SAR1A: variants seen among roughly 807,000 people sequenced by gnomAD.
SAR1A encodes secretion associated Ras related GTPase 1A.
In SAR1A, 6 loss-of-function variants were observed where a neutral mutation model predicts 22.6. The observed-to-expected ratio is 0.27, with a 90% confidence interval of 0.15 to 0.52. SAR1A has a LOEUF of 0.52. Among genes scored for constraint, SAR1A ranks in the 20% least tolerant of loss-of-function variants. The pLI, the probability that SAR1A is intolerant of heterozygous loss-of-function variation, is 0.96. For synonymous variants in SAR1A, 70 were observed against 82.2 expected, an observed-to-expected ratio of 0.85 and a Z score of 0.80; for missense variants, 145 against 245.1, an observed-to-expected ratio of 0.59 and a Z score of 2.73.
chr10:70,161,778 A>G (rs1839469923), intron 2 of SAR1A, 40 bp from the exon 3 acceptor site: 3 of 1,613,744 alleles, frequency 1.9e-6, no homozygotes. Flanking sequence ...TGCTCTCTAC[A>G]GACCAAAGCC....
intron 1 of SAR1A, among the ~76,000 whole-genome samples, chr10:70,165,106 A>G (rs1448608584): frequency 2.0e-5 from 3 of 151,950 alleles, no homozygotes; most frequent in Non-Finnish European, 4.4e-5. Context: ...TCTACTAAAA[A>G]TACAAAAAAT....
chr10:70,168,845 A>G (rs187637818), intron 1 of SAR1A, among the ~76,000 whole-genome samples: 47 of 152,114 alleles, frequency 3.1e-4, no homozygotes, highest in African/African-American at 1.1e-3. Context: ...CCTTTTCTTA[A>G]GACAGACCAA....
In SAR1A at chr10:70,147,775, G is replaced by C. The variant is rs1839273634; in HGVS notation, c.*4701C>G. On this transcript the variant is annotated 3_prime_UTR_variant, in exon 7 of 7. Coordinates refer to ENST00000373241, the MANE Select transcript of SAR1A (RefSeq NM_020150.5). ...GATGAACGAGTATGTCGGGGAGTGG[G>C]GGGGCGCGGAGCTTCATGATACCCT... 6.6e-6 allele frequency: 1 copy of C among 152,354 alleles called. No homozygotes were observed. Among genetic ancestry groups the C allele is most frequent in the African/African-American group, 2.4e-5 (1 of 41,462 alleles). The allele number at this position is 152,354 out of a possible 1,614,324, so 9.4% of individuals were successfully genotyped here. A position where few individuals can be genotyped will look rare whatever the true frequency, so the allele number is the denominator to read the frequency against.
intron 4 of SAR1A, 117 bp downstream of exon 4, chr10:70,160,887 C>A: frequency 2.5e-5 from 16 of 638,566 alleles, no homozygotes; most frequent in South Asian, 7.3e-5. Context: ...TAATAAGATC[C>A]TAATTCTAAA....
rs1321233627 is a variant in SAR1A, at chr10:70,150,117, A to T, written c.*2359T>A. On this transcript the variant is annotated 3_prime_UTR_variant, in exon 7 of 7. Transcript: ENST00000373241. ...AAATGTCTCTTCCTCTATGCAGGGA[A>T]CTTTTGGTTGCCTCCCCAAATAAAC... is the stretch of plus-strand genomic sequence containing the variant. 6.6e-6 allele frequency: 1 copy of T among 152,054 alleles called. No homozygotes were observed. Among genetic ancestry groups the T allele is most frequent in the Non-Finnish European group, 1.5e-5 (1 of 68,010 alleles). 9.4% of individuals were successfully genotyped at this position (152,054 alleles called of 1,614,324 possible).
chr10:70,163,698 T>C (rs1486230043), intron 1 of SAR1A: 10 of 780,094 alleles, frequency 1.3e-5, no homozygotes, highest in South Asian at 5.5e-5. Context: ...GCTGACCAAC[T>C]GACTGAGGAG....
chr10:70,162,302 T>C (rs1426345047), intron 1 of SAR1A, among the ~76,000 whole-genome samples: 1 of 147,584 alleles, frequency 6.8e-6, no homozygotes, highest in Non-Finnish European at 1.5e-5. Flanking sequence ...ACGGTGCCAC[T>C]GCACTCACTT....
chr10:70,169,138 A>T (rs1487994662), intron 1 of SAR1A, among the ~76,000 whole-genome samples: 1 of 152,186 alleles, frequency 6.6e-6, no homozygotes, highest in Non-Finnish European at 1.5e-5. Context: ...AGTTTTGCTG[A>T]GTCCTTTAAG....
intron 1 of SAR1A, chr10:70,162,814 G>A (rs1839493409): frequency 6.6e-6 from 1 of 152,266 alleles, no homozygotes; most frequent in African/African-American, 2.4e-5. Flanking sequence ...CTCCCTTCAT[G>A]TCTCTATGTT....
intron 1 of SAR1A, chr10:70,162,581 A>T (rs1045025253): frequency 1.3e-5 from 2 of 152,018 alleles, no homozygotes; most frequent in Non-Finnish European, 2.9e-5. Flanking sequence ...CAGATTTTGC[A>T]ATCTGGAGGA....
At chr10:70,166,289 G>T in intron 1 of SAR1A, among the ~76,000 whole-genome samples, 1 of 152,134 alleles carries the variant, frequency 6.6e-6, no homozygotes, top group Non-Finnish European at 1.5e-5. Flanking sequence ...TCCAGGCAGC[G>T]GTTCATTCAC....
rs377467890 is a variant in SAR1A, at chr10:70,161,148, A to G, written c.179-79T>C. ...CTACTAGTACTATAAGCCAATATCA[A>G]TGCTTTCATCTTGTAAAGAAAAAGA... On this transcript the variant is annotated intron_variant, in intron 3 of 6. Coordinates refer to ENST00000373241, the MANE Select transcript of SAR1A (RefSeq NM_020150.5). 1,779 of 997,046 alleles carry G rather than the reference A, an allele frequency of 1.8e-3. 45 individuals carry two copies. The South Asian group carries it at 0.024, about 13-fold the overall frequency. 61.8% of individuals were successfully genotyped at this position (997,046 alleles called of 1,614,324 possible).
Position 70,152,419 on chromosome 10 carries a change from G to C in SAR1A, c.*57C>G, listed in dbSNP as rs1839336724. The stretch of plus-strand genomic sequence containing the variant: ...TTCTATTAGAAAAGTTCATGAGGAA[G>C]CTGTGAATAGGATCAGTCCAGAGAA... On this transcript the variant is annotated 3_prime_UTR_variant, in exon 7 of 7. Transcript: ENST00000373241. 2 of 1,303,716 alleles carry C rather than the reference G, an allele frequency of 1.5e-6. No individual in the cohort carries two copies. Among genetic ancestry groups the C allele is most frequent in the Non-Finnish European group, 2.2e-6 (2 of 898,206 alleles). 80.8% of individuals were successfully genotyped at this position (1,303,716 alleles called of 1,614,324 possible).
rs901181435 is a variant in SAR1A, at chr10:70,151,151, C to G, written c.*1325G>C. The G allele has an allele frequency of 6.7e-5, 10 of 149,374 alleles. No homozygotes were observed. The highest frequency in any genetic ancestry group is 2.5e-4 in the African/African-American group (10 of 40,504). 9.3% of individuals were successfully genotyped at this position (149,374 alleles called of 1,614,324 possible). On this transcript the variant is annotated 3_prime_UTR_variant, in exon 7 of 7. Transcript: ENST00000373241. ...GGATGCCGGTGCTTTTATACTGAGT[C>G]TTTACTGCCAATAAGTGATGCTGCC...
Position 70,152,368 on chromosome 10 carries a change from C to T in SAR1A, c.*108G>A. On this transcript the variant is annotated 3_prime_UTR_variant, in exon 7 of 7. Coordinates refer to ENST00000373241, the MANE Select transcript of SAR1A (RefSeq NM_020150.5). ...ACAGAGACTCTTGGCTTCTCAACGC[C>T]AGACATGGTTGGAGAGCTTTCCTTG... 1.0e-6 allele frequency: 1 copy of T among 1,001,216 alleles called. No homozygotes were observed. 62.0% of individuals were successfully genotyped at this position (1,001,216 alleles called of 1,614,324 possible).
Position 70,152,600 on chromosome 10 carries a change from AG to A in SAR1A, c.481-9del. On this transcript the variant is annotated splice_polypyrimidine_tract_variant and intron_variant, in intron 6 of 6. Transcript: ENST00000373241. ...CTTCAGGGTCACATTCCCCTAAAGG[AG>A]GCAAAACCAAGAAAGGCCTGTTAGC... The A allele has an allele frequency of 6.3e-7, 1 of 1,587,142 alleles. No homozygotes were observed. The highest frequency in any genetic ancestry group is 1.1e-5 in the South Asian group (1 of 90,530).
intron 3 of SAR1A, 126 bp downstream of exon 3, chr10:70,161,492 AC>A: frequency 9.6e-7 from 1 of 1,043,076 alleles, no homozygotes; most frequent in Non-Finnish European, 1.4e-6. Context: ...CTTACAGGGA[AC>A]TTTCTCGTAT....
chr10:70,155,162 C>A, intron 5 of SAR1A: 2 of 499,170 alleles, frequency 4.0e-6, no homozygotes, highest in East Asian at 5.9e-5. Context: ...TGAATAAAAT[C>A]TTATTTTTCA....
Position 70,168,745 on chromosome 10 carries a change from T to C in SAR1A, c.-17+1668A>G, listed in dbSNP as rs79148510. 6.7e-3 allele frequency among the ~76,000 whole-genome samples: 1,023 copies of C among 152,234 alleles called. 11 individuals are homozygous for C. The highest frequency in any genetic ancestry group is 0.024 in the African/African-American group (976 of 41,524). On this transcript the variant is annotated intron_variant, in intron 1 of 6. Transcript: ENST00000373241. ...GAGTGGAGGCTGACTGAAGAAACTC[T>C]TCAGGTGAGCTAAAAATAATAAAAA...
Sources: allele counts gnomAD v4.1 joint callset (sites outside exome capture counted in the v4.1 genomes callset), GRCh38; gene constraint gnomAD v4.1.1; transcripts MANE v1.5; gene names NCBI Gene and HGNC (gene_info 2026-07-23, HGNC 2026-07-21).